PRPSAP1: variants seen among roughly 807,000 people sequenced by gnomAD.
PRPSAP1 encodes phosphoribosyl pyrophosphate synthase-associated protein 1.
A neutral mutation model predicts 39.4 loss-of-function variants in PRPSAP1; 31 were observed. The ratio of observed to expected loss-of-function variants is 0.79; its 90% CI spans 0.59 to 1.06. The LOEUF is 1.06. Among genes scored for constraint, PRPSAP1 ranks in the 50% least tolerant of loss-of-function variants. PRPSAP1 has a pLI of 0.00. For synonymous variants in PRPSAP1, 212 were observed against 192.6 expected (o/e 1.10, Z -0.83); for missense variants, 430 against 511.6 (o/e 0.84, Z 1.54).
chr17:76,345,293 C>T (rs1305590614), intron 2 of PRPSAP1, among the ~76,000 whole-genome samples: 1 of 142,476 alleles, frequency 7.0e-6, no homozygotes, highest in African/African-American at 2.6e-5. Flanking sequence ...ATGGTGAAAC[C>T]CTGTCTCTAC....
chr17:76,342,364 T>C (rs750938131), intron 3 of PRPSAP1, among the ~76,000 whole-genome samples: 3 of 152,078 alleles, frequency 2.0e-5, no homozygotes, highest in South Asian at 2.1e-4. Context: ...AAACCCAAAT[T>C]GAGGGACATT....
upstream of PRPSAP1, chr17:76,354,096 T>C (rs765267026): frequency 2.4e-4 from 251 of 1,026,862 alleles, no homozygotes; most frequent in Non-Finnish European, 2.8e-4. Flanking sequence ...CGGTCTCACT[T>C]TCTTGGGAGG....
chr17:76,320,317 A>AAGGGAGGGAGGGAGGG (rs2071178193), intron 7 of PRPSAP1, among the ~76,000 whole-genome samples: 2 of 127,500 alleles, frequency 1.6e-5, no homozygotes, highest in Non-Finnish European at 1.6e-5. Flanking sequence ...GGAAGGGAGG[A>AAGGGAGGGAGGGAGGG]AGGGAAGAAG....
intron 3 of PRPSAP1, among the ~76,000 whole-genome samples, chr17:76,333,721 A>G (rs1442268368): frequency 9.2e-5 from 14 of 152,176 alleles, no homozygotes; most frequent in Non-Finnish European, 1.5e-5. Flanking sequence ...AATTCCTGAC[A>G]AAGATTACCC....
Position 76,327,290 on chromosome 17 carries a change from G to C in PRPSAP1, c.781+1427C>G, listed in dbSNP as rs1370986732. On this transcript the variant is annotated intron_variant, in intron 7 of 9. Coordinates refer to ENST00000446526, the MANE Select transcript of PRPSAP1 (RefSeq NM_002766.3). The stretch of plus-strand genomic sequence containing the variant: ...TTGAACCCAAGAGGCGGAGGCTGCA[G>C]TGAGCCAAGATCATGCCACTGCACT... 2.0e-5 allele frequency among the ~76,000 whole-genome samples: 3 copies of C among 152,214 alleles called. No homozygotes were observed. In the East Asian group the frequency reaches 5.8e-4, roughly 29 times the overall value.
At chr17:76,319,406 C>T (rs1268454207) in intron 7 of PRPSAP1, 1 of 152,134 alleles carries the variant, frequency 6.6e-6, no homozygotes, top group Non-Finnish European at 1.5e-5. Flanking sequence ...GTTATCAATA[C>T]TTATTAATAT....
chr17:76,349,630 G>A (rs1366322150), intron 1 of PRPSAP1, among the ~76,000 whole-genome samples: 2 of 151,114 alleles, frequency 1.3e-5, no homozygotes, highest in Admixed American at 6.6e-5. Context: ...GTGTGGTGGC[G>A]AGCGTCTATA....
At chr17:76,332,932 C>A (rs2071339042) in intron 3 of PRPSAP1, among the ~76,000 whole-genome samples, 2 of 151,538 alleles carry the variant, frequency 1.3e-5, no homozygotes, top group African/African-American at 2.4e-5. Context: ...TCGCTGTCGC[C>A]CAGGTTGGAG....
Position 76,313,462 on chromosome 17 carries a change from C to CGGGGACACCCATTCTTACTTGTGAA in PRPSAP1, c.852+334_852+358dup, listed in dbSNP as rs2071089987. 5 of 281,876 alleles carry CGGGGACACCCATTCTTACTTGTGAA rather than the reference C, an allele frequency of 1.8e-5. No homozygotes were observed. The South Asian group carries it at 3.7e-4, about 21-fold the overall frequency. The allele number at this position is 281,876 out of a possible 1,614,324, so 17.5% of individuals were successfully genotyped here. A position where few individuals can be genotyped will look rare whatever the true frequency, so the allele number is the denominator to read the frequency against. On this transcript the variant is annotated intron_variant, in intron 8 of 9. Coordinates refer to ENST00000446526, the MANE Select transcript of PRPSAP1 (RefSeq NM_002766.3). ...TGTCAACATGCAGAACGAGTCTGCA[C>CGGGGACACCCATTCTTACTTGTGAA]GGGGACACCCATTCTTACTTGTGAA...
At position 76,312,987 on chromosome 17, in the gene PRPSAP1, A is replaced by C; in HGVS notation, c.882T>G (p.Phe294Leu). 3 of 1,613,926 alleles carry C rather than the reference A, an allele frequency of 1.9e-6. No homozygotes were observed. Among genetic ancestry groups the C allele is most frequent in the Non-Finnish European group, 2.5e-6 (3 of 1,179,990 alleles). Residue 294 changes from phenylalanine to leucine, a missense_variant, in exon 9 of 10, where the codon TTT becomes TTG. Phe to Leu is a conservative substitution (Grantham distance 22). Coordinates refer to ENST00000446526, the MANE Select transcript of PRPSAP1 (RefSeq NM_002766.3). The stretch of plus-strand genomic sequence containing the variant: ...CTTTCAGGATCTCCGCGGCAGCAAC[A>C]AAACTCTCCACATCGTCAATAATGT... ...VDDIIDDVESFVAAAEILKER... is the reference protein window; with the variant it reads ...VDDIIDDVESLVAAAEILKER...
chr17:76,323,077 C>T (rs2143476990), intron 7 of PRPSAP1, among the ~76,000 whole-genome samples: 1 of 151,276 alleles, frequency 6.6e-6, no homozygotes, highest in South Asian at 2.1e-4. Flanking sequence ...CGTGGTGGCT[C>T]ACACCTATAA....
intron 7 of PRPSAP1, among the ~76,000 whole-genome samples, chr17:76,320,634 C>T (rs2071186716): frequency 6.7e-6 from 1 of 150,336 alleles, no homozygotes; most frequent in African/African-American, 2.5e-5. Context: ...AGGGTTTCAC[C>T]ATGTTGGCCA....
At chr17:76,336,415 G>A (rs1276013005) in intron 3 of PRPSAP1, among the ~76,000 whole-genome samples, 1 of 139,220 alleles carries the variant, frequency 7.2e-6, no homozygotes, top group Non-Finnish European at 1.5e-5. Flanking sequence ...TCCAGCTTGG[G>A]CTACAGAGCG....
intron 7 of PRPSAP1, 75 bp from the exon 8 acceptor site, chr17:76,313,966 C>T: frequency 6.6e-7 from 1 of 1,520,310 alleles, no homozygotes. Context: ...AACCTAATTC[C>T]CTGGAAATGG....
intron 8 of PRPSAP1, 88 bp downstream of exon 8, chr17:76,313,733 G>A (rs531607361): frequency 2.5e-5 from 35 of 1,413,008 alleles, no homozygotes; most frequent in East Asian, 4.6e-5. Context: ...TCGGATCATC[G>A]TTCCTAGAAA....
chr17:76,319,062 C>T (rs2071157015), intron 7 of PRPSAP1, among the ~76,000 whole-genome samples: 1 of 152,126 alleles, frequency 6.6e-6, no homozygotes, highest in Non-Finnish European at 1.5e-5. Context: ...GCCTCAGCCT[C>T]CCAAGTAGCT....
At chr17:76,320,786 C>T (rs1280910118) in intron 7 of PRPSAP1, among the ~76,000 whole-genome samples, 17 of 143,578 alleles carry the variant, frequency 1.2e-4, no homozygotes, top group Admixed American at 9.1e-4. Flanking sequence ...ATTTTTCTCT[C>T]TTTTTTTTTT....
rs2071307263 is a variant in PRPSAP1 at position 76,330,344 on chromosome 17, A to T, written c.579+207T>A. 7 of 600,840 alleles carry T rather than the reference A, an allele frequency of 1.2e-5. No homozygotes were observed. The South Asian group carries it at 1.6e-4, about 13-fold the overall frequency. 37.2% of individuals were successfully genotyped at this position (600,840 alleles called of 1,614,324 possible). ...TTTTAGAAAACATAAGCAAATTGCT[A>T]AAGATACGTAGAAAAAAAATCTGTT... On this transcript the variant is annotated intron_variant, in intron 5 of 9. Coordinates refer to ENST00000446526, the MANE Select transcript of PRPSAP1 (RefSeq NM_002766.3).
intron 3 of PRPSAP1, among the ~76,000 whole-genome samples, chr17:76,335,488 G>A (rs890778843): frequency 3.0e-4 from 45 of 151,914 alleles, no homozygotes; most frequent in African/African-American, 7.5e-4. Flanking sequence ...CTCAAGTAGC[G>A]GGGATTACAG....
Sources: allele counts gnomAD v4.1 joint callset (sites outside exome capture counted in the v4.1 genomes callset), GRCh38; gene constraint gnomAD v4.1.1; transcripts MANE v1.5; gene names NCBI Gene and HGNC (gene_info 2026-07-23, HGNC 2026-07-21).